The following GIPC1 variants were observed in gnomAD, a reference collection of about 807,000 sequenced individuals.
GIPC1 encodes the protein GIPC PDZ domain containing family member 1.
Under a neutral mutation model 28.5 loss-of-function variants are expected in GIPC1, and 15 were observed. The observed-to-expected ratio is 0.53, with a 90% CI of 0.35 to 0.81. The LOEUF (loss-of-function observed/expected upper bound fraction) is 0.81, where lower values mean the gene tolerates loss of function less well. Ranked by LOEUF, GIPC1 falls within the 30% of genes least tolerant of loss-of-function variation. The pLI is 0.01. For missense variants in GIPC1, 439 were observed against 481.9 expected, an observed-to-expected ratio of 0.91 and a Z score of 0.83; for synonymous variants, 224 against 206.1, an observed-to-expected ratio of 1.09 and a Z score of -0.74.
chr19:14,487,657 T>A (rs994664867), intron 3 of GIPC1, among the ~76,000 whole-genome samples: 1 of 151,516 alleles, frequency 6.6e-6, no homozygotes, highest in African/African-American at 2.4e-5. Flanking sequence ...TGTGTAAATG[T>A]CTAATATAAA....
At chr19:14,481,025 C>A in intron 4 of GIPC1, 2 of 463,938 alleles carry the variant, frequency 4.3e-6, no homozygotes, top group Non-Finnish European at 3.9e-6. Context: ...GGCTGGAGTG[C>A]AGTGGTGCCA....
At chr19:14,485,166 A>T (rs1036369909) in intron 3 of GIPC1, among the ~76,000 whole-genome samples, 3 of 151,730 alleles carry the variant, frequency 2.0e-5, no homozygotes, top group Admixed American at 1.3e-4. Context: ...TCTCAAAAAA[A>T]AATAATAAAA....
chr19:14,489,521 G>C (rs1266463926), intron 3 of GIPC1: 1 of 884,464 alleles, frequency 1.1e-6, no homozygotes, highest in East Asian at 2.4e-5. Context: ...ATAGATGAAT[G>C]TGTGGAGATG....
chr19:14,478,220 C>T lies in GIPC1; in HGVS notation c.*196G>A, dbSNP rs1004145531. 1.1e-5 allele frequency: 6 copies of T among 568,100 alleles called. No individual in the cohort carries two copies. Among genetic ancestry groups the T allele is most frequent in the Admixed American group, 3.2e-5 (1 of 31,116 alleles). 35.2% of individuals were successfully genotyped at this position (568,100 alleles called of 1,614,324 possible). A position where few individuals can be genotyped will look rare whatever the true frequency, so the allele number is the denominator to read the frequency against. ...CAGGGCACAGGGGGGCCGGGGACCC[C>T]GGCCAGACTGGGAACCAGGGAGGGG... On this transcript the variant is annotated 3_prime_UTR_variant, in exon 9 of 9. Transcript: ENST00000393033. This position sits in a 1 kb window ranked among gnomAD's most constrained non-coding sequence, Gnocchi z 5.2.
At chr19:14,492,985 A>G (rs2072002787) in intron 1 of GIPC1, 73 bp from the exon 2 acceptor site, 1 of 152,270 alleles carries the variant, frequency 6.6e-6, no homozygotes, top group Non-Finnish European at 1.5e-5. Context: ...CACGTATCCC[A>G]TCTACACTCT....
At chr19:14,479,707 T>G in intron 6 of GIPC1, 183 bp from the exon 7 acceptor site, 2 of 422,742 alleles carry the variant, frequency 4.7e-6, no homozygotes, top group Admixed American at 4.3e-5. Context: ...CTGGCATGGA[T>G]GTGGGGCAGA....
chr19:14,485,033 G>A (rs1188490929), intron 3 of GIPC1, among the ~76,000 whole-genome samples: 1 of 151,834 alleles, frequency 6.6e-6, no homozygotes, highest in African/African-American at 2.4e-5. Flanking sequence ...GGTGGCGGGC[G>A]TCTGTAATCC....
chr19:14,480,458 G>C lies in GIPC1; in HGVS notation c.502C>G (p.His168Asp), dbSNP rs777227747. ...TCGCCCACGCTGATGAGGTGGATGTGGTCGATCACGCTGCCCTCCTTGATG... is the reference window on the plus strand; with the variant it reads ...TCGCCCACGCTGATGAGGTGGATGTCGTCGATCACGCTGCCCTCCTTGATG... ...KRIKEGSVIDHIHLISVGDMI... is the reference protein window; with the variant it reads ...KRIKEGSVIDDIHLISVGDMI... The change falls in exon 6 of 9, where the codon CAC becomes GAC. Residue 168 changes from histidine to aspartate, a missense_variant. Transcript: ENST00000393033. 12 of 1,613,086 alleles carry C rather than the reference G, an allele frequency of 7.4e-6. No individual in the cohort carries two copies. In the Admixed American group the frequency reaches 1.7e-4, roughly 22 times the overall value.
chr19:14,495,038 G>C (rs2072046857), intron 1 of GIPC1, among the ~76,000 whole-genome samples: 2 of 152,140 alleles, frequency 1.3e-5, no homozygotes. Flanking sequence ...GAGAGAAGGA[G>C]GGAAAGAGGC....
At chr19:14,493,384 T>C (rs1200737685) in intron 1 of GIPC1, among the ~76,000 whole-genome samples, 2 of 152,140 alleles carry the variant, frequency 1.3e-5, no homozygotes, top group Non-Finnish European at 2.9e-5. Context: ...ATCGCTGCTC[T>C]GGGTTCATCT....
At chr19:14,481,664 A>T (rs4474799) in intron 4 of GIPC1, 95,191 of 148,226 alleles carry the variant, frequency 0.64, 31,123 homozygotes, top group East Asian at 0.96. Flanking sequence ...GAGGTTGCAG[A>T]GAGCCAAGAT....
chr19:14,495,169 C>G (rs892396529), intron 1 of GIPC1, among the ~76,000 whole-genome samples: 4 of 152,174 alleles, frequency 2.6e-5, no homozygotes, highest in African/African-American at 9.7e-5. Context: ...ATCCTGGCCC[C>G]CTGCAGACGC....
At position 14,480,374 on chromosome 19, in the gene GIPC1, G is replaced by C; in HGVS notation, c.586C>G (p.Arg196Gly). Residue 196 changes from arginine (R) to glycine (G), a missense_variant, in exon 6 of 9, where the codon CGG (arginine) becomes GGG (glycine). Coordinates refer to ENST00000393033, the MANE Select transcript of GIPC1 (RefSeq NM_005716.4). ...CCTCGGGGCAGCTCCTTGAGCAGCC[G>C]GGCCACCTCGTAGTGCCGGCAGCCC... ...LLGCRHYEVA[R>G]LLKELPRGRT... 3 of 1,612,636 alleles carry C rather than the reference G, an allele frequency of 1.9e-6. No homozygotes were observed. The highest frequency in any genetic ancestry group is 2.5e-6 in the Non-Finnish European group (3 of 1,179,836).
At position 14,490,986 on chromosome 19, in the gene GIPC1, A is replaced by AG. The variant is rs1555722742; in HGVS notation, c.-31+669_-31+670insC. 1.0e-4 allele frequency among the ~76,000 whole-genome samples: 15 copies of AG among 150,066 alleles called. No individual in the cohort carries two copies. The East Asian group carries it at 1.4e-3, about 14-fold the overall frequency. ...CGAGACTCCATCTCAAAAAAAAAAA[A>AG]AAAGAAAGAAAGAAAGAAAGAAAAT... On this transcript the variant is annotated intron_variant, in intron 3 of 8. Coordinates refer to ENST00000393033, the MANE Select transcript of GIPC1 (RefSeq NM_005716.4).
intron 2 of GIPC1, among the ~76,000 whole-genome samples, chr19:14,492,377 G>A (rs934976890): frequency 1.3e-5 from 2 of 151,814 alleles, no homozygotes; most frequent in Non-Finnish European, 2.9e-5. Flanking sequence ...CACGATCTCA[G>A]CTCACTGCAA....
intron 4 of GIPC1, 149 bp downstream of exon 4, chr19:14,482,540 C>T: frequency 4.0e-6 from 3 of 758,106 alleles, no homozygotes; most frequent in South Asian, 3.5e-5. Context: ...ACTCAGCATC[C>T]AGCCCAGGCC....
At chr19:14,494,237 G>C (rs757364634) in intron 1 of GIPC1, among the ~76,000 whole-genome samples, 1 of 151,686 alleles carries the variant, frequency 6.6e-6, no homozygotes, top group East Asian at 1.9e-4. Context: ...GGATTACAGG[G>C]GTGAGCCATG....
At chr19:14,486,206 A>T (rs1453465424) in intron 3 of GIPC1, among the ~76,000 whole-genome samples, 4 of 151,900 alleles carry the variant, frequency 2.6e-5, no homozygotes, top group Admixed American at 2.6e-4. Flanking sequence ...CTCACACCAC[A>T]CTGTAACACA....
intron 3 of GIPC1, among the ~76,000 whole-genome samples, chr19:14,487,437 C>T (rs553412284): frequency 4.7e-5 from 7 of 149,736 alleles, no homozygotes; most frequent in Non-Finnish European, 1.0e-4. Flanking sequence ...AGTTTCACTA[C>T]GTTGGCCAGG....
Sources: allele counts gnomAD v4.1 joint callset (sites outside exome capture counted in the v4.1 genomes callset), GRCh38; gene constraint gnomAD v4.1.1; non-coding constraint Gnocchi (gnomAD v3.1); transcripts MANE v1.5; gene names NCBI Gene and HGNC (gene_info 2026-07-23, HGNC 2026-07-21).